The following GTPBP10 variants were observed in gnomAD, a reference collection of about 807,000 sequenced individuals.
GTPBP10 encodes the protein GTP-binding protein 10.
GTPBP10 carries 38 observed loss-of-function variants against 44.8 expected under a neutral mutation model. That is an observed-to-expected ratio of 0.85 (90% CI 0.65 to 1.11). The LOEUF is 1.11. GTPBP10 is among the 50% of genes most tolerant of loss of function. The probability of loss-of-function intolerance (pLI) is 0.00; values close to 1 mark genes in which losing one functional copy is unlikely to be tolerated. For missense variants in GTPBP10, 462 were observed against 453.7 expected, an observed-to-expected ratio of 1.02 and a Z score of -0.17; for synonymous variants, 152 against 150.6, an observed-to-expected ratio of 1.01 and a Z score of -0.07.
At chr7:90,380,779 A>G (rs988810578) in intron 8 of GTPBP10, among the ~76,000 whole-genome samples, 1 of 152,130 alleles carries the variant, frequency 6.6e-6, no homozygotes, top group African/African-American at 2.4e-5. Context: ...GTTCCATTTG[A>G]CCAACACCCC....
In GTPBP10 at chr7:90,390,714, A is replaced by G. The variant is rs772294861; in HGVS notation, c.*5560A>G. 2.0e-5 allele frequency: 3 copies of G among 152,186 alleles called. No individual in the cohort carries two copies. The highest frequency in any genetic ancestry group is 6.5e-5 in the Admixed American group (1 of 15,274). The allele number at this position is 152,186 out of a possible 1,614,324, so 9.4% of individuals were successfully genotyped here. A position where few individuals can be genotyped will look rare whatever the true frequency, so the allele number is the denominator to read the frequency against. On this transcript the variant is annotated 3_prime_UTR_variant, in exon 10 of 10. Coordinates refer to ENST00000222511, the MANE Select transcript of GTPBP10 (RefSeq NM_033107.4). The stretch of plus-strand genomic sequence containing the variant: ...CAAAGGACAAAAGCTTCCTTTGTTC[A>G]TGGCCCATATTCCAGTATATTTTTC...
At chr7:90,364,717 C>T (rs1796096416) in intron 4 of GTPBP10, among the ~76,000 whole-genome samples, 1 of 152,166 alleles carries the variant, frequency 6.6e-6, no homozygotes, top group Admixed American at 6.5e-5. Context: ...TTGGCTATGC[C>T]CTGCCCCCGG....
rs1352433586 is a variant in GTPBP10 at position 90,351,562 on chromosome 7, C to T, written c.34-1254C>T. Among the ~76,000 whole-genome samples the T allele has an allele frequency of 2.6e-5, 4 of 152,174 alleles. No homozygotes were observed. The South Asian group carries it at 8.3e-4, about 32-fold the overall frequency. On this transcript the variant is annotated intron_variant, in intron 1 of 9. Transcript: ENST00000222511. ...AATCTATTTGCTTTGTAAGTTTTTTCAAATTGTTGCAAAGCTCAAAAAATT... is the reference window on the plus strand; with the variant it reads ...AATCTATTTGCTTTGTAAGTTTTTTTAAATTGTTGCAAAGCTCAAAAAATT...
intron 4 of GTPBP10, among the ~76,000 whole-genome samples, chr7:90,369,013 C>A (rs147868587): frequency 1.1e-3 from 160 of 152,274 alleles, no homozygotes; most frequent in African/African-American, 3.8e-3. Flanking sequence ...GATGCTATTC[C>A]TTTCTGTTTG....
At chr7:90,357,867 C>T (rs1048956875) in intron 4 of GTPBP10, among the ~76,000 whole-genome samples, 1 of 152,020 alleles carries the variant, frequency 6.6e-6, no homozygotes, top group African/African-American at 2.4e-5. Flanking sequence ...TGTATTTTAT[C>T]TGGTATTTCT....
intron 9 of GTPBP10, among the ~76,000 whole-genome samples, chr7:90,384,400 C>T (rs529303311): frequency 9.2e-5 from 14 of 152,280 alleles, no homozygotes; most frequent in African/African-American, 3.4e-4. Context: ...CTGAAATTAT[C>T]TTCCCTTGAA....
At chr7:90,356,891 T>G (rs1795912332) in intron 4 of GTPBP10, among the ~76,000 whole-genome samples, 1 of 152,208 alleles carries the variant, frequency 6.6e-6, no homozygotes, top group Admixed American at 6.5e-5. Flanking sequence ...TTTTCAGAAG[T>G]AGGTTTGAAA....
At chr7:90,355,568 T>G (rs1246098899) in intron 4 of GTPBP10, among the ~76,000 whole-genome samples, 2 of 152,188 alleles carry the variant, frequency 1.3e-5, no homozygotes, top group Non-Finnish European at 2.9e-5. Flanking sequence ...ACAAACCGTA[T>G]TATTATTAAA....
chr7:90,368,170 C>A (rs1796174613), intron 4 of GTPBP10, among the ~76,000 whole-genome samples: 1 of 152,266 alleles, frequency 6.6e-6, no homozygotes, highest in African/African-American at 2.4e-5. Context: ...TGATGGGCTT[C>A]CCTTTGTGGG....
At position 90,384,957 on chromosome 7, in the gene GTPBP10, C is replaced by A; in HGVS notation, c.967C>A (p.Pro323Thr). The change falls in exon 10 of 10, where the codon CCC becomes ACC. Residue 323 changes from proline (P) to threonine (T), a missense_variant. Transcript: ENST00000222511. Reference protein sequence around the residue: ...ERTVEFQHIIPISAVTGEGIE... With the variant: ...ERTVEFQHIITISAVTGEGIE... Reference sequence around the variant, plus strand: ...GACTGTAGAGTTCCAACATATCATCCCCATATCTGCAGTTACTGGAGAAGG... The same window carrying A: ...GACTGTAGAGTTCCAACATATCATCACCATATCTGCAGTTACTGGAGAAGG... The A allele has an allele frequency of 6.2e-7, 1 of 1,611,496 alleles. No individual in the cohort carries two copies. Among genetic ancestry groups the A allele is most frequent in the Non-Finnish European group, 8.5e-7 (1 of 1,177,996 alleles).
chr7:90,357,525 C>T (rs1389219325), intron 4 of GTPBP10, among the ~76,000 whole-genome samples: 1 of 152,040 alleles, frequency 6.6e-6, no homozygotes, highest in African/African-American at 2.4e-5. Flanking sequence ...ATACCTCCAG[C>T]TAATACGCTT....
chr7:90,347,213 A>G (rs1318324699), intron 1 of GTPBP10, among the ~76,000 whole-genome samples: 3 of 152,116 alleles, frequency 2.0e-5, no homozygotes, highest in Admixed American at 1.3e-4. Context: ...ATTTAGGTCG[A>G]TTTTTGTGTG....
Position 90,374,282 on chromosome 7 carries a change from A to G in GTPBP10, c.539-20A>G. The G allele has an allele frequency of 6.4e-7, 1 of 1,551,836 alleles. No homozygotes were observed. Among genetic ancestry groups the G allele is most frequent in the Non-Finnish European group, 8.9e-7 (1 of 1,124,318 alleles). On this transcript the variant is annotated intron_variant, in intron 5 of 9. Coordinates refer to ENST00000222511, the MANE Select transcript of GTPBP10 (RefSeq NM_033107.4). ...CTAAAATAAATTCTAGCCTTAATTT[A>G]TTGCTGTGTTTCCTTTTAGTTACAA...
rs1424657699 is a variant in GTPBP10 at position 90,386,556 on chromosome 7, ATGG to A, written c.*1408_*1410del. 6.6e-6 allele frequency: 1 copy of A among 152,170 alleles called. No homozygotes were observed. The highest frequency in any genetic ancestry group is 6.5e-5 in the Admixed American group (1 of 15,282). The allele number at this position is 152,170 out of a possible 1,614,324, so 9.4% of individuals were successfully genotyped here. A position where few individuals can be genotyped will look rare whatever the true frequency, so the allele number is the denominator to read the frequency against. On this transcript the variant is annotated 3_prime_UTR_variant, in exon 10 of 10. Transcript: ENST00000222511. ...AATAAATAGCAAGTGCAGGCCAGGC[ATGG>A]TGGTGCAGGCCAGACATAGCGGTAC...
In GTPBP10 at chr7:90,386,425, G is replaced by A. The variant is rs1796525417; in HGVS notation, c.*1271G>A. 1 of 152,134 alleles carries A rather than the reference G, an allele frequency of 6.6e-6. No individual in the cohort carries two copies. The highest frequency in any genetic ancestry group is 2.4e-5 in the African/African-American group (1 of 41,430). 9.4% of individuals were successfully genotyped at this position (152,134 alleles called of 1,614,324 possible). On this transcript the variant is annotated 3_prime_UTR_variant, in exon 10 of 10. Coordinates refer to ENST00000222511, the MANE Select transcript of GTPBP10 (RefSeq NM_033107.4). ...TGTAATAGTATTTTTTCCTGAATTGGAGGAGACTGATCTATATTGTTTCAT... is the reference window on the plus strand; with the variant it reads ...TGTAATAGTATTTTTTCCTGAATTGAAGGAGACTGATCTATATTGTTTCAT...
intron 4 of GTPBP10, among the ~76,000 whole-genome samples, chr7:90,365,568 G>T (rs13309879): frequency 6.6e-6 from 1 of 151,148 alleles, no homozygotes; most frequent in East Asian, 2.0e-4. Context: ...AGTAGAGACG[G>T]GGTTTCACCG....
rs1346345131 is a variant in GTPBP10, at chr7:90,391,254, T to A, written c.*6100T>A. 2.0e-5 allele frequency: 3 copies of A among 148,102 alleles called. No homozygotes were observed. Among genetic ancestry groups the A allele is most frequent in the Non-Finnish European group, 4.5e-5 (3 of 66,900 alleles). The allele number at this position is 148,102 out of a possible 1,614,324, so 9.2% of individuals were successfully genotyped here. ...TATTTCAGAACTTTTCCATTTAATA[T>A]TTTTGGACCACAGTTGACTGAAACT... On this transcript the variant is annotated 3_prime_UTR_variant, in exon 10 of 10. Coordinates refer to ENST00000222511, the MANE Select transcript of GTPBP10 (RefSeq NM_033107.4).
At chr7:90,380,748 A>G (rs1406238571) in intron 8 of GTPBP10, among the ~76,000 whole-genome samples, 4 of 152,176 alleles carry the variant, frequency 2.6e-5, no homozygotes, top group Admixed American at 2.6e-4. Context: ...GGGCTTATTC[A>G]TCCTATTTAA....
intron 4 of GTPBP10, among the ~76,000 whole-genome samples, chr7:90,368,748 G>A (rs1404211282): frequency 6.6e-6 from 1 of 152,150 alleles, no homozygotes; most frequent in East Asian, 1.9e-4. Flanking sequence ...ATTCTCCTTA[G>A]CTCAGTGAAG....
Sources: allele counts gnomAD v4.1 joint callset (sites outside exome capture counted in the v4.1 genomes callset), GRCh38; gene constraint gnomAD v4.1.1; transcripts MANE v1.5; gene names NCBI Gene and HGNC (gene_info 2026-07-23, HGNC 2026-07-21).